The following LY6S variants were observed in gnomAD, a reference collection of about 807,000 sequenced individuals.
LY6S encodes lymphocyte antigen 6 family member S, also known as lymphocyte antigen 6S.
the LY6S span, among the ~76,000 whole-genome samples, chr8:143,062,057 A>G: frequency 6.6e-6 from 1 of 152,256 alleles, no homozygotes; most frequent in Non-Finnish European, 1.5e-5. Flanking sequence ...AATTAGAAAT[A>G]AAACATATAA....
the LY6S span, among the ~76,000 whole-genome samples, chr8:143,052,256 G>A: frequency 5.3e-4 from 80 of 152,300 alleles, 1 homozygote; most frequent in African/African-American, 1.9e-3. Context: ...ACTCCAGCCT[G>A]GGGGACACAG....
the LY6S span, among the ~76,000 whole-genome samples, chr8:143,048,896 G>T: frequency 6.6e-6 from 1 of 152,186 alleles, no homozygotes; most frequent in African/African-American, 2.4e-5. Flanking sequence ...TCATGTATCT[G>T]CCAGGCTGTG....
the LY6S span, among the ~76,000 whole-genome samples, chr8:143,062,143 A>T: frequency 6.6e-6 from 1 of 152,260 alleles, no homozygotes; most frequent in Non-Finnish European, 1.5e-5. Flanking sequence ...CATTATTTGC[A>T]AATGATATAT....
the LY6S span, among the ~76,000 whole-genome samples, chr8:143,070,449 T>TATATATATATATAATATATATATAA: frequency 4.8e-4 from 12 of 25,032 alleles, 1 homozygote; most frequent in Admixed American, 6.1e-4. Flanking sequence ...ATATATTGTA[T>TATATATATATATAATATATATATAA]ATATATATAT....
chr8:143,070,489 A>ATTTTTTTTTTTTTTT, the LY6S span, among the ~76,000 whole-genome samples: 2 of 81,706 alleles, frequency 2.4e-5, no homozygotes, highest in African/African-American at 1.5e-4. Flanking sequence ...ATATATATAT[A>ATTTTTTTTTTTTTTT]TTTTTTTTTT....
the LY6S span, among the ~76,000 whole-genome samples, chr8:143,056,637 CT>C: frequency 2.0e-5 from 3 of 152,024 alleles, no homozygotes; most frequent in South Asian, 2.1e-4. Flanking sequence ...CTAGAAATGC[CT>C]TTTTTTTGGA....
chr8:143,048,831 A>G, the LY6S span, among the ~76,000 whole-genome samples: 3 of 151,726 alleles, frequency 2.0e-5, no homozygotes, highest in Admixed American at 1.3e-4. Flanking sequence ...TGCATTTTCC[A>G]CCTCCTTCAG....
chr8:143,063,343 G>A, the LY6S span, among the ~76,000 whole-genome samples: 1 of 152,116 alleles, frequency 6.6e-6, no homozygotes, highest in African/African-American at 2.4e-5. Flanking sequence ...CTGTTTTAAC[G>A]GTTTGATTTT....
At chr8:143,062,359 C>G in the LY6S span, among the ~76,000 whole-genome samples, 1 of 152,084 alleles carries the variant, frequency 6.6e-6, no homozygotes. Flanking sequence ...AGACCTCTAC[C>G]CTGAAAAACC....
the LY6S span, among the ~76,000 whole-genome samples, chr8:143,041,930 G>C: frequency 1.2e-4 from 4 of 33,776 alleles, no homozygotes; most frequent in East Asian, 9.5e-4. Context: ...TCCACCCAGG[G>C]CGTTCTCAGC....
At chr8:143,071,545 A>G in the LY6S span, among the ~76,000 whole-genome samples, 1 of 152,218 alleles carries the variant, frequency 6.6e-6, no homozygotes, top group African/African-American at 2.4e-5. Context: ...AATAGGAGAA[A>G]TGTGAGACAG....
chr8:143,044,887 C>A, the LY6S span: 1 of 1,214,366 alleles, frequency 8.2e-7, no homozygotes, highest in Non-Finnish European at 1.1e-6. Flanking sequence ...CACAAGGGCA[C>A]CCACTCTCAC....
chr8:143,074,306 G>C, the LY6S span, among the ~76,000 whole-genome samples: 4 of 151,970 alleles, frequency 2.6e-5, no homozygotes, highest in African/African-American at 9.7e-5. Flanking sequence ...TCTTCTCTCT[G>C]TCTCTGTCTC....
At chr8:143,061,310 T>C in the LY6S span, among the ~76,000 whole-genome samples, 4 of 152,018 alleles carry the variant, frequency 2.6e-5, no homozygotes, top group East Asian at 7.7e-4. Context: ...AGATACATCA[T>C]GCTGATAGTA....
the LY6S span, among the ~76,000 whole-genome samples, chr8:143,045,618 A>T: frequency 1.3e-5 from 2 of 149,928 alleles, no homozygotes; most frequent in East Asian, 3.9e-4. This position sits in a 1 kb window ranked among gnomAD's most constrained non-coding sequence, Gnocchi z 5.3. Context: ...TAGCGCCCCC[A>T]CCCAGGACCC....
chr8:143,066,510 A>AC, the LY6S span: 4 of 272,446 alleles, frequency 1.5e-5, no homozygotes, highest in Non-Finnish European at 2.9e-5. Flanking sequence ...CACATCAGGC[A>AC]CCATTCGTGC....
chr8:143,066,447 C>T, the LY6S span: 1 of 202,850 alleles, frequency 4.9e-6, no homozygotes, highest in Non-Finnish European at 1.0e-5. Flanking sequence ...CAGGTGTGAG[C>T]CACTGCGCCC....
At chr8:143,054,943 G>A in the LY6S span, among the ~76,000 whole-genome samples, 1 of 152,194 alleles carries the variant, frequency 6.6e-6, no homozygotes, top group African/African-American at 2.4e-5. Context: ...CTGCAAAACC[G>A]AGGGGCCTTA....
the LY6S span, among the ~76,000 whole-genome samples, chr8:143,041,113 A>C: frequency 6.6e-6 from 1 of 152,186 alleles, no homozygotes; most frequent in East Asian, 1.9e-4. Flanking sequence ...ATAACATCTT[A>C]TCAGGAGACA....
Sources: allele counts gnomAD v4.1 joint callset (sites outside exome capture counted in the v4.1 genomes callset), GRCh38; gene constraint gnomAD v4.1.1; non-coding constraint Gnocchi (gnomAD v3.1); transcripts MANE v1.5; gene names NCBI Gene and HGNC (gene_info 2026-07-23, HGNC 2026-07-21).